Variants in TRPC5 observed in about 807,000 individuals in gnomAD.
TRPC5 encodes the protein transient receptor potential cation channel subfamily C member 5.
In TRPC5, 9 loss-of-function variants were observed where a neutral mutation model predicts 56.5. The ratio of observed to expected loss-of-function variants is 0.16; its 90% CI spans 0.10 to 0.28. The LOEUF (loss-of-function observed/expected upper bound fraction) is 0.28. Ranked by LOEUF, TRPC5 falls within the 10% of genes least tolerant of loss-of-function variation. The pLI is 1.00. For synonymous variants in TRPC5, 282 were observed against 278.5 expected (o/e 1.01, Z -0.13); for missense variants, 469 against 748.9 (o/e 0.63, Z 4.36).
At chrX:111,936,599 G>T (rs763773786) in intron 2 of TRPC5, among the ~76,000 whole-genome samples, 2 of 103,434 alleles carry the variant, frequency 1.9e-5, no homozygotes, top group African/African-American at 3.5e-5. Flanking sequence ...GCGGTGTTTG[G>T]TTTTTTGTTC....
intron 1 of TRPC5, among the ~76,000 whole-genome samples, chrX:111,987,775 A>G (rs1014403097): frequency 8.9e-6 from 1 of 112,475 alleles, no homozygotes; most frequent in Admixed American, 9.4e-5. Context: ...TTGCAGTTCA[A>G]ATAGTCAGGC....
At chrX:111,962,756 T>G (rs112445225) in intron 1 of TRPC5, among the ~76,000 whole-genome samples, 97 of 112,468 alleles carry the variant, frequency 8.6e-4, no homozygotes, top group African/African-American at 2.8e-3. Context: ...AAACAGCATC[T>G]CATGCTACAG....
rs1925700509 is a variant in TRPC5 at position 111,908,429 on chromosome X, T to C, written c.900+3862A>G. Among the ~76,000 whole-genome samples the C allele has an allele frequency of 2.7e-5, 3 of 111,759 alleles. No homozygotes were observed. The Admixed American group carries it at 2.9e-4, about 11-fold the overall frequency. ...ATCTTGGAAAATTTGGAGCAAAATA[T>C]ATAAATATAAATCTCCAAATGATTC... On this transcript the variant is annotated intron_variant, in intron 3 of 10. Transcript: ENST00000262839.
chrX:111,910,147 T>C (rs992993573), intron 3 of TRPC5, among the ~76,000 whole-genome samples: 4 of 112,587 alleles, frequency 3.6e-5, no homozygotes, highest in Non-Finnish European at 7.5e-5. Context: ...CTGTAAACTT[T>C]AGTTGTATTC....
chrX:111,797,599 A>G (rs1322055414), intron 7 of TRPC5, among the ~76,000 whole-genome samples: 1 of 112,298 alleles, frequency 8.9e-6, no homozygotes, highest in Non-Finnish European at 1.9e-5. Flanking sequence ...AGAAGCACAT[A>G]TATTACCATA....
intron 3 of TRPC5, among the ~76,000 whole-genome samples, chrX:111,911,051 T>C (rs904342173): frequency 8.9e-6 from 1 of 112,749 alleles, no homozygotes; most frequent in Non-Finnish European, 1.9e-5. Context: ...TCGATCTCCA[T>C]GTTGCTCTTT....
chrX:111,851,338 G>C (rs937238641), intron 5 of TRPC5, among the ~76,000 whole-genome samples: 4 of 111,801 alleles, frequency 3.6e-5, no homozygotes, highest in African/African-American at 1.3e-4. Flanking sequence ...TGAATTGTCA[G>C]CCTTTTCTCA....
intron 1 of TRPC5, among the ~76,000 whole-genome samples, chrX:112,050,570 C>T (rs755447918): frequency 9.0e-6 from 1 of 111,712 alleles, no homozygotes; most frequent in Admixed American, 9.4e-5. Context: ...TCAGAAAGGG[C>T]ATTAATATTA....
At chrX:111,781,083 G>T in intron 9 of TRPC5, 82 bp downstream of exon 9, 1 of 968,224 alleles carries the variant, frequency 1.0e-6, no homozygotes, top group Non-Finnish European at 1.5e-6. Context: ...ATCGTGTCCA[G>T]ACACAGCCAG....
chrX:111,908,976 C>T (rs182637028), intron 3 of TRPC5, among the ~76,000 whole-genome samples: 1 of 109,675 alleles, frequency 9.1e-6, no homozygotes, highest in African/African-American at 3.3e-5. Flanking sequence ...CATAGTGAGA[C>T]CTTGTCTCCA....
Position 111,779,977 on chromosome X carries a change from GTAA to G in TRPC5, c.2143-906_2143-904del, listed in dbSNP as rs750762332. Among the ~76,000 whole-genome samples, 3 of 111,833 alleles carry G rather than the reference GTAA, an allele frequency of 2.7e-5. No homozygotes were observed. The East Asian group carries it at 8.4e-4, about 31-fold the overall frequency. On this transcript the variant is annotated intron_variant, in intron 9 of 10. Transcript: ENST00000262839. ...TTATTTAAGATTTATTATTATAAAA[GTAA>G]TAACATTTGAAGGCGGGAGTAGGGA...
At chrX:112,003,924 C>A (rs1928766075) in intron 1 of TRPC5, among the ~76,000 whole-genome samples, 1 of 112,253 alleles carries the variant, frequency 8.9e-6, no homozygotes, top group Admixed American at 9.4e-5. Flanking sequence ...CCTAGGCAAT[C>A]TCTCACCAGT....
At chrX:112,025,516 T>C (rs1194598457) in intron 1 of TRPC5, among the ~76,000 whole-genome samples, 1 of 111,332 alleles carries the variant, frequency 9.0e-6, no homozygotes, top group East Asian at 2.8e-4. Context: ...TTGGCATTCA[T>C]TTTTTTTGGC....
chrX:112,078,716 C>A (rs987204383), intron 1 of TRPC5, among the ~76,000 whole-genome samples: 12 of 112,081 alleles, frequency 1.1e-4, no homozygotes, highest in African/African-American at 3.6e-4. Context: ...TAGCCCCTAT[C>A]AGCTTTTATA....
At chrX:111,888,693 CAAAAAAAAAA>C (rs753735549) in intron 3 of TRPC5, among the ~76,000 whole-genome samples, 3 of 10,985 alleles carry the variant, frequency 2.7e-4, no homozygotes, top group African/African-American at 4.4e-4. Flanking sequence ...GACTCTATCT[CAAAAAAAAAA>C]AAAAAAAAAA....
chrX:112,032,078 G>A (rs780295393), intron 1 of TRPC5, among the ~76,000 whole-genome samples: 44 of 111,008 alleles, frequency 4.0e-4, no homozygotes, highest in African/African-American at 1.4e-3. Flanking sequence ...TTTAAAAATA[G>A]GCAAAAGAGC....
chrX:111,918,789 T>C lies in TRPC5; in HGVS notation c.379-5977A>G, dbSNP rs147214281. ...GGACAGAGAGTAGGGTGCTAGTAGA[T>C]ATGATGTCCACAGTGGAGCAGTGCT... On this transcript the variant is annotated intron_variant, in intron 2 of 10. Transcript: ENST00000262839. Among the ~76,000 whole-genome samples the C allele has an allele frequency of 2.7e-3, 305 of 111,176 alleles. 1 individual carries two copies. The highest frequency in any genetic ancestry group is 4.5e-3 in the Non-Finnish European group (241 of 52,986).
In TRPC5 at chrX:111,969,023, A is replaced by C. The variant is rs1228945289; in HGVS notation, c.-21-16582T>G. Among the ~76,000 whole-genome samples the C allele has an allele frequency of 1.1e-3, 117 of 104,344 alleles. No homozygotes were observed. In the Middle Eastern group the frequency reaches 0.015, roughly 13 times the overall value. 90.6% of individuals were successfully genotyped at this position (104,344 alleles called of 115,157 possible). On this transcript the variant is annotated intron_variant, in intron 1 of 10. Transcript: ENST00000262839. ...AATAAAATAAAATAAAATAAAATAAAAACAACAAAAAAAATAAATAAATAA... is the reference window on the plus strand; with the variant it reads ...AATAAAATAAAATAAAATAAAATAACAACAACAAAAAAAATAAATAAATAA...
Position 111,963,181 on chromosome X carries a change from G to A in TRPC5, c.-21-10740C>T, listed in dbSNP as rs779529838. On this transcript the variant is annotated intron_variant, in intron 1 of 10. Coordinates refer to ENST00000262839, the MANE Select transcript of TRPC5 (RefSeq NM_012471.3). Reference sequence around the variant, plus strand: ...ATGGCACACCAGGAGATTATATCCCGCACATGGCTCAGAGGGTCCTACGCC... The same window carrying A: ...ATGGCACACCAGGAGATTATATCCCACACATGGCTCAGAGGGTCCTACGCC... 1.4e-4 allele frequency among the ~76,000 whole-genome samples: 16 copies of A among 112,457 alleles called. No individual in the cohort carries two copies. The South Asian group carries it at 2.2e-3, about 16-fold the overall frequency.
Sources: gnomAD v4.1 joint callset for allele counts (sites outside exome capture counted in the v4.1 genomes callset) on GRCh38, gnomAD v4.1.1 for gene constraint, MANE v1.5 for transcripts, NCBI Gene and HGNC (gene_info 2026-07-23, HGNC 2026-07-21) for gene names.